XRCC4: variants seen among roughly 807,000 people sequenced by gnomAD.
XRCC4 encodes DNA repair protein XRCC4.
In XRCC4, 28 loss-of-function variants were observed where a neutral mutation model predicts 39.1. That is an observed-to-expected ratio of 0.72 (90% CI 0.53 to 0.98). The LOEUF is 0.98. XRCC4 is among the 50% of genes least tolerant of loss of function. The probability of loss-of-function intolerance (pLI) is 0.00; values close to 1 mark genes in which losing one functional copy is unlikely to be tolerated. For missense variants in XRCC4, 350 were observed against 376.4 expected (o/e 0.93, Z 0.58); for synonymous variants, 123 against 126.4 (o/e 0.97, Z 0.18).
At chr5:83,329,099 A>G (rs1413684359) in intron 7 of XRCC4, among the ~76,000 whole-genome samples, 1 of 152,062 alleles carries the variant, frequency 6.6e-6, no homozygotes, top group Non-Finnish European at 1.5e-5. Flanking sequence ...TTAAAAAATA[A>G]TGAAATTTGA....
At chr5:83,121,148 G>A (rs1233180152) in intron 3 of XRCC4, among the ~76,000 whole-genome samples, 1 of 152,076 alleles carries the variant, frequency 6.6e-6, no homozygotes, top group Non-Finnish European at 1.5e-5. Context: ...GCTGAGTGGT[G>A]TTCCATTTTA....
intron 1 of XRCC4, among the ~76,000 whole-genome samples, chr5:83,103,025 T>TATATATATATATATATATATATACATAC (rs943955057): frequency 2.1e-5 from 3 of 142,660 alleles, no homozygotes; most frequent in African/African-American, 8.3e-5. Flanking sequence ...TATATATATA[T>TATATATATATATATATATATATACATAC]ATATATGTCA....
chr5:83,134,219 G>T (rs933519349), intron 3 of XRCC4, among the ~76,000 whole-genome samples: 6 of 152,176 alleles, frequency 3.9e-5, no homozygotes, highest in Non-Finnish European at 8.8e-5. Context: ...AGTGTCCGGG[G>T]TAGGTGCCGC....
intron 7 of XRCC4, among the ~76,000 whole-genome samples, chr5:83,275,805 T>C (rs1754311439): frequency 6.6e-6 from 1 of 152,210 alleles, no homozygotes; most frequent in African/African-American, 2.4e-5. Context: ...TGTGTAGATT[T>C]ACACAGCAAA....
At chr5:83,182,720 C>T (rs1016324581) in intron 3 of XRCC4, among the ~76,000 whole-genome samples, 4 of 152,056 alleles carry the variant, frequency 2.6e-5, no homozygotes, top group Non-Finnish European at 4.4e-5. Context: ...GTACTGAGGG[C>T]CAGGTCCTAA....
intron 7 of XRCC4, among the ~76,000 whole-genome samples, chr5:83,292,823 C>A (rs1163995942): frequency 3.3e-5 from 5 of 151,226 alleles, no homozygotes; most frequent in Non-Finnish European, 7.4e-5. Context: ...ATGCATTTTT[C>A]TTATTTATTT....
chr5:83,221,925 C>A (rs1752099669), intron 6 of XRCC4, among the ~76,000 whole-genome samples: 1 of 151,758 alleles, frequency 6.6e-6, no homozygotes, highest in East Asian at 1.9e-4. Flanking sequence ...TATGAAATAT[C>A]TCTCGTTATC....
intron 3 of XRCC4, among the ~76,000 whole-genome samples, chr5:83,131,548 G>A (rs1053176851): frequency 1.3e-5 from 2 of 152,156 alleles, no homozygotes; most frequent in African/African-American, 2.4e-5. Context: ...CTTGCGTTTT[G>A]AATCTGGGTG....
intron 2 of XRCC4, among the ~76,000 whole-genome samples, chr5:83,110,392 G>T (rs1746386276): frequency 6.6e-6 from 1 of 151,906 alleles, no homozygotes; most frequent in Non-Finnish European, 1.5e-5. Flanking sequence ...TATAATTATT[G>T]AAACAAAAAT....
At chr5:83,214,723 C>T (rs1751785636) in intron 6 of XRCC4, among the ~76,000 whole-genome samples, 1 of 151,502 alleles carries the variant, frequency 6.6e-6, no homozygotes, top group Non-Finnish European at 1.5e-5. Context: ...GTAGTCCCAG[C>T]TACTCGGGAG....
intron 3 of XRCC4, among the ~76,000 whole-genome samples, chr5:83,120,027 A>G (rs948677340): frequency 3.3e-5 from 5 of 151,046 alleles, no homozygotes; most frequent in African/African-American, 9.8e-5. Flanking sequence ...AATAACAGAA[A>G]CAAAAACAAA....
In XRCC4 at chr5:83,205,067, T is replaced by G. The variant is rs374944802; in HGVS notation, c.745+146T>G. The G allele has an allele frequency of 5.3e-6, 3 of 570,652 alleles. No homozygotes were observed. The South Asian group carries it at 8.9e-5, about 17-fold the overall frequency. The allele number at this position is 570,652 out of a possible 1,614,324, so 35.3% of individuals were successfully genotyped here. A position where few individuals can be genotyped will look rare whatever the true frequency, so the allele number is the denominator to read the frequency against. On this transcript the variant is annotated intron_variant, in intron 6 of 7. Coordinates refer to ENST00000396027, the MANE Select transcript of XRCC4 (RefSeq NM_003401.5). ...CATTTTTATTTTAAAAACTCAAATT[T>G]TTAATGTTAAAACTTAATATTATTT...
intron 3 of XRCC4, among the ~76,000 whole-genome samples, chr5:83,170,786 T>C (rs1344518378): frequency 6.6e-6 from 1 of 152,056 alleles, no homozygotes; most frequent in Admixed American, 6.6e-5. Context: ...TGGGAGTGAA[T>C]ATCTCTCAAA....
chr5:83,119,355 G>T lies in XRCC4; in HGVS notation c.315+8152G>T, dbSNP rs116223472. ...AGTATTCTTTATTTTGGTGATAAAA[G>T]TATTTGTGTACATGTGCCATTTTGA... On this transcript the variant is annotated intron_variant, in intron 3 of 7. Transcript: ENST00000396027. Among the ~76,000 whole-genome samples the T allele has an allele frequency of 7.4e-3, 1,120 of 152,272 alleles. 6 individuals are homozygous for T. The highest frequency in any genetic ancestry group is 0.013 in the Non-Finnish European group (897 of 68,014).
At chr5:83,116,577 C>A (rs55719574) in intron 3 of XRCC4, among the ~76,000 whole-genome samples, 2,550 of 140,802 alleles carry the variant, frequency 0.018, 64 homozygotes, top group African/African-American at 0.062. Context: ...TATGTTTTGT[C>A]TGAGTGAAAG....
intron 6 of XRCC4, 33 bp downstream of exon 6, chr5:83,204,954 A>G (rs1351245102): frequency 1.4e-6 from 2 of 1,436,460 alleles, no homozygotes; most frequent in Admixed American, 1.7e-5. Flanking sequence ...TCCTCTGTTG[A>G]ATATCTTATT....
At chr5:83,324,762 T>G (rs1354621751) in intron 7 of XRCC4, among the ~76,000 whole-genome samples, 1 of 152,132 alleles carries the variant, frequency 6.6e-6, no homozygotes, top group African/African-American at 2.4e-5. Flanking sequence ...CTGCTAAGAT[T>G]GTGAAGTATT....
At chr5:83,305,127 T>C (rs545078993) in intron 7 of XRCC4, among the ~76,000 whole-genome samples, 1 of 152,252 alleles carries the variant, frequency 6.6e-6, no homozygotes, top group African/African-American at 2.4e-5. Flanking sequence ...TAGAACAGTT[T>C]TAGATTTACA....
rs879511600 is a variant in XRCC4 at position 83,308,377 on chromosome 5, A to AT, written c.894-44754_894-44753insT. Among the ~76,000 whole-genome samples, 326 of 152,284 alleles carry AT rather than the reference A, an allele frequency of 2.1e-3. 2 individuals are homozygous for AT. The highest frequency in any genetic ancestry group is 3.5e-3 in the Non-Finnish European group (239 of 68,006). ...TATTTGGTGTGGGATCTTTTCATGA[A>AT]AAGTTGTGTATGCAGGAATAAGTTA... On this transcript the variant is annotated intron_variant, in intron 7 of 7. Transcript: ENST00000396027.
Sources: gnomAD v4.1 joint callset for allele counts (sites outside exome capture counted in the v4.1 genomes callset) on GRCh38, gnomAD v4.1.1 for gene constraint, MANE v1.5 for transcripts, NCBI Gene and HGNC (gene_info 2026-07-23, HGNC 2026-07-21) for gene names.